The following MACROD2 variants were observed in gnomAD, a reference collection of about 807,000 sequenced individuals.
MACROD2 encodes mono-ADP ribosylhydrolase 2.
A neutral mutation model predicts 70.4 loss-of-function variants in MACROD2; 36 were observed. The ratio of observed to expected loss-of-function variants is 0.51; its 90% CI spans 0.39 to 0.68. MACROD2 has a LOEUF of 0.68. Ranked by LOEUF, MACROD2 falls within the 30% of genes least tolerant of loss-of-function variation. The probability of loss-of-function intolerance (pLI) is 0.00; values close to 1 mark genes in which losing one functional copy is unlikely to be tolerated. For missense variants in MACROD2, 496 were observed against 538.4 expected, an observed-to-expected ratio of 0.92 and a Z score of 0.78; for synonymous variants, 172 against 178.8, an observed-to-expected ratio of 0.96 and a Z score of 0.30.
At chr20:14,378,437 G>A (rs1421254971) in intron 3 of MACROD2, among the ~76,000 whole-genome samples, 2 of 152,074 alleles carry the variant, frequency 1.3e-5, no homozygotes, top group Non-Finnish European at 2.9e-5. Flanking sequence ...GAGTACAAAG[G>A]CCCATCCTTC....
chr20:14,601,787 C>T (rs1982515891), intron 4 of MACROD2, among the ~76,000 whole-genome samples: 1 of 152,082 alleles, frequency 6.6e-6, no homozygotes, highest in South Asian at 2.1e-4. Flanking sequence ...ATGTTTTCTT[C>T]ATGCATTTTG....
chr20:15,950,991 G>A (rs1040660091), intron 12 of MACROD2, among the ~76,000 whole-genome samples: 2 of 152,034 alleles, frequency 1.3e-5, no homozygotes, highest in Non-Finnish European at 2.9e-5. Context: ...CACAGTTTGG[G>A]AAACCATTCC....
At chr20:15,195,012 G>T (rs1056508663) in intron 5 of MACROD2, among the ~76,000 whole-genome samples, 1 of 152,142 alleles carries the variant, frequency 6.6e-6, no homozygotes, top group African/African-American at 2.4e-5. Context: ...AAGTGGTGCT[G>T]GGAGAACTGG....
At chr20:15,032,278 C>T (rs1430490442) in intron 5 of MACROD2, among the ~76,000 whole-genome samples, 2 of 152,200 alleles carry the variant, frequency 1.3e-5, no homozygotes, top group African/African-American at 4.8e-5. Context: ...ACTCAGGGCT[C>T]CCGCCCCGCC....
At chr20:14,219,291 C>A (rs2081649569) in intron 3 of MACROD2, among the ~76,000 whole-genome samples, 1 of 152,006 alleles carries the variant, frequency 6.6e-6, no homozygotes, top group African/African-American at 2.4e-5. Flanking sequence ...AGTCTTCGAG[C>A]TCTGAATTTC....
At chr20:14,471,677 TG>T (rs2084532481) in intron 3 of MACROD2, among the ~76,000 whole-genome samples, 1 of 152,178 alleles carries the variant, frequency 6.6e-6, no homozygotes, top group East Asian at 1.9e-4. Flanking sequence ...AGCATACAAA[TG>T]TTAAAACAAA....
At chr20:15,157,915 G>T (rs1424077348) in intron 5 of MACROD2, among the ~76,000 whole-genome samples, 1 of 152,102 alleles carries the variant, frequency 6.6e-6, no homozygotes, top group African/African-American at 2.4e-5. Flanking sequence ...GGTGGCCAAG[G>T]CTCCCCATTG....
chr20:15,158,929 T>C (rs1238636426), intron 5 of MACROD2, among the ~76,000 whole-genome samples: 1 of 152,140 alleles, frequency 6.6e-6, no homozygotes, highest in Non-Finnish European at 1.5e-5. Context: ...TGACCATGGT[T>C]CTGTTCTTTT....
At position 15,594,956 on chromosome 20, in the gene MACROD2, T is replaced by A. The variant is rs528730353; in HGVS notation, c.645+95109T>A. ...TCCTATTCTGTTATGGTCACCTCTG[T>A]TGATTTCTTAGTGTTTTCTTTGTTT... On this transcript the variant is annotated intron_variant, in intron 8 of 17. Coordinates refer to ENST00000684519, the MANE Select transcript of MACROD2 (RefSeq NM_001351661.2). Among the ~76,000 whole-genome samples the A allele has an allele frequency of 2.6e-5, 4 of 152,350 alleles. No homozygotes were observed. The South Asian group carries it at 8.3e-4, about 32-fold the overall frequency.
intron 5 of MACROD2, among the ~76,000 whole-genome samples, chr20:14,705,476 T>C (rs2071258325): frequency 6.6e-6 from 1 of 152,212 alleles, no homozygotes; most frequent in Non-Finnish European, 1.5e-5. Context: ...ATTTTGTGGA[T>C]GCCAGCCATC....
intron 13 of MACROD2, among the ~76,000 whole-genome samples, chr20:15,977,669 T>C (rs1298655612): frequency 3.9e-5 from 6 of 152,188 alleles, no homozygotes; most frequent in Non-Finnish European, 7.3e-5. Flanking sequence ...ACAAAATTTC[T>C]CTCTTAATCT....
intron 6 of MACROD2, among the ~76,000 whole-genome samples, chr20:15,378,435 A>C (rs1489776318): frequency 6.6e-6 from 1 of 152,142 alleles, no homozygotes; most frequent in African/African-American, 2.4e-5. Context: ...GAGAAACTTT[A>C]AAGGAAAAAT....
chr20:14,359,058 C>T (rs530874402), intron 3 of MACROD2, among the ~76,000 whole-genome samples: 5 of 152,116 alleles, frequency 3.3e-5, no homozygotes, highest in African/African-American at 1.2e-4. Flanking sequence ...CATAGTGGTG[C>T]CTGCCTGTAG....
At chr20:14,720,060 T>A (rs1029969790) in intron 5 of MACROD2, among the ~76,000 whole-genome samples, 5 of 152,156 alleles carry the variant, frequency 3.3e-5, no homozygotes, top group African/African-American at 1.2e-4. Context: ...CAATTGCATA[T>A]AATATAAAAC....
At chr20:15,946,867 A>G (rs1473878120) in intron 12 of MACROD2, among the ~76,000 whole-genome samples, 2 of 152,158 alleles carry the variant, frequency 1.3e-5, no homozygotes, top group Admixed American at 6.5e-5. Flanking sequence ...CCACCATCTC[A>G]GCAAGAGGAA....
intron 5 of MACROD2, among the ~76,000 whole-genome samples, chr20:14,940,147 G>A (rs1304749897): frequency 3.2e-5 from 1 of 31,120 alleles, no homozygotes; most frequent in East Asian, 1.3e-3. Flanking sequence ...CCTCATCTCT[G>A]CAAAAAAAAA....
intron 3 of MACROD2, among the ~76,000 whole-genome samples, chr20:14,400,311 T>A (rs1246195970): frequency 6.6e-6 from 1 of 152,212 alleles, no homozygotes; most frequent in Non-Finnish European, 1.5e-5. Context: ...CTACTGGGTT[T>A]AATACCTTTT....
intron 6 of MACROD2, among the ~76,000 whole-genome samples, chr20:15,322,548 A>G (rs2077884187): frequency 6.9e-6 from 1 of 144,460 alleles, no homozygotes; most frequent in African/African-American, 2.5e-5. Flanking sequence ...AGAATGGATG[A>G]AAACCAAAAT....
chr20:14,404,399 G>A (rs910940532), intron 3 of MACROD2, among the ~76,000 whole-genome samples: 21 of 152,098 alleles, frequency 1.4e-4, no homozygotes, highest in African/African-American at 4.8e-4. Context: ...GGCTGAGGTC[G>A]GCAGATCACT....
Sources: gnomAD v4.1 joint callset for allele counts (sites outside exome capture counted in the v4.1 genomes callset) on GRCh38, gnomAD v4.1.1 for gene constraint, MANE v1.5 for transcripts, NCBI Gene and HGNC (gene_info 2026-07-23, HGNC 2026-07-21) for gene names.